The following WDR27 variants were observed in gnomAD, a reference collection of about 807,000 sequenced individuals.
WDR27 encodes WD repeat-containing protein 27.
WDR27 carries 100 observed loss-of-function variants against 114.4 expected under a neutral mutation model. The ratio of observed to expected loss-of-function variants is 0.87; its 90% CI spans 0.74 to 1.03. The LOEUF (loss-of-function observed/expected upper bound fraction) is 1.03, where lower values mean the gene tolerates loss of function less well. WDR27 is among the 50% of genes least tolerant of loss of function. WDR27 has a pLI of 0.00. For synonymous variants in WDR27, 449 were observed against 423.1 expected, an observed-to-expected ratio of 1.06 and a Z score of -0.75; for missense variants, 1,129 against 1,092.9, an observed-to-expected ratio of 1.03 and a Z score of -0.47.
chr6:169,489,764 G>A (rs1319071531), intron 25 of WDR27, among the ~76,000 whole-genome samples: 1 of 152,164 alleles, frequency 6.6e-6, no homozygotes, highest in African/African-American at 2.4e-5. Context: ...GCAATGTGTG[G>A]CCAAGGCTCA....
At position 169,664,206 on chromosome 6, in the gene WDR27, G is replaced by A. The variant is rs1287987933; in HGVS notation, c.864C>T (p.Phe288=). 1 of 1,611,726 alleles carries A rather than the reference G, an allele frequency of 6.2e-7. No individual in the cohort carries two copies. Among genetic ancestry groups the A allele is most frequent in the Admixed American group, 1.7e-5 (1 of 59,838 alleles). ...RVDLRKKTET[F]STRRVKSGLC... ...GCCCAGACTTAACCCTTCTTGTGGAGAAAGTCTCTGTCTTCTTCCTTAGGT... is the reference window on the plus strand; with the variant it reads ...GCCCAGACTTAACCCTTCTTGTGGAAAAAGTCTCTGTCTTCTTCCTTAGGT... Residue 288 remains phenylalanine (F), a synonymous_variant, in exon 8 of 26, where the codon TTC becomes TTT. Transcript: ENST00000448612.
chr6:169,595,886 A>G, intron 23 of WDR27, among the ~76,000 whole-genome samples: 1 of 151,542 alleles, frequency 6.6e-6, no homozygotes. Context: ...ATTTAGCTGG[A>G]TATTAAAATT....
chr6:169,656,946 GCTGAGCCTGGCCGCCTCCC>G (rs1318347221), intron 13 of WDR27, among the ~76,000 whole-genome samples: 2 of 152,206 alleles, frequency 1.3e-5, no homozygotes, highest in Non-Finnish European at 2.9e-5. Flanking sequence ...TGCAATGCTG[GCTGAGCCTGGCCGCCTCCC>G]CCCGGCCTTC....
At chr6:169,699,813 C>G (rs1787376978) in intron 1 of WDR27, among the ~76,000 whole-genome samples, 1 of 151,898 alleles carries the variant, frequency 6.6e-6, no homozygotes, top group Non-Finnish European at 1.5e-5. Flanking sequence ...GAGACCCTGT[C>G]TCTACTTTAA....
At chr6:169,526,811 A>G (rs1431391311) in intron 25 of WDR27, among the ~76,000 whole-genome samples, 1 of 152,240 alleles carries the variant, frequency 6.6e-6, no homozygotes, top group Non-Finnish European at 1.5e-5. Flanking sequence ...GCTCAAAAAT[A>G]AATGTCAAAT....
At chr6:169,674,836 A>C (rs184912642) in intron 2 of WDR27, among the ~76,000 whole-genome samples, 10 of 152,242 alleles carry the variant, frequency 6.6e-5, no homozygotes, top group African/African-American at 2.4e-4. Flanking sequence ...CCGAAAAGAG[A>C]GTTAGCAAAG....
rs759490750 is a variant in WDR27 at position 169,659,237 on chromosome 6, C to T, written c.1198-30G>A. On this transcript the variant is annotated intron_variant, in intron 11 of 25. Transcript: ENST00000448612. This position sits in a 1 kb window ranked among gnomAD's most constrained non-coding sequence, Gnocchi z 4.3. ...AGGGACGCGGTTTCAACATCGTTAG[C>T]GACACCACCCAGTAAAAGCAGACGA... The T allele has an allele frequency of 6.4e-6, 10 of 1,568,776 alleles. No individual in the cohort carries two copies. The South Asian group carries it at 8.3e-5, about 13-fold the overall frequency.
chr6:169,635,806 T>A (rs777688479), intron 19 of WDR27, among the ~76,000 whole-genome samples: 1 of 151,980 alleles, frequency 6.6e-6, no homozygotes, highest in Admixed American at 6.6e-5. Context: ...TAAAATGACA[T>A]GAATACACAG....
At chr6:169,457,145 C>T (rs1583543746), downstream of WDR27, 1 of 173,670 alleles carries the variant, frequency 5.8e-6, no homozygotes, top group South Asian at 1.3e-4. Flanking sequence ...GCCACGCTCA[C>T]CACACAGAAC....
chr6:169,634,599 C>A, intron 19 of WDR27, 74 bp from the exon 20 acceptor site: 1 of 932,578 alleles, frequency 1.1e-6, no homozygotes, highest in Non-Finnish European at 1.6e-6. Flanking sequence ...TCTTTAAAAA[C>A]ATTAAACATG....
At chr6:169,621,461 C>T (rs1238423304) in intron 21 of WDR27, among the ~76,000 whole-genome samples, 5 of 152,012 alleles carry the variant, frequency 3.3e-5, no homozygotes, top group Non-Finnish European at 7.4e-5. Flanking sequence ...TGCACACACA[C>T]ATATACATAT....
intron 16 of WDR27, 48 bp from the exon 17 acceptor site, chr6:169,643,834 T>A: frequency 6.7e-7 from 1 of 1,482,744 alleles, no homozygotes; most frequent in Non-Finnish European, 9.3e-7. Context: ...GCCTAATTCA[T>A]AGGAGTCACA....
In WDR27 at chr6:169,680,455, G is replaced by A. The variant is rs146388627; in HGVS notation, c.190-8059C>T. On this transcript the variant is annotated intron_variant, in intron 2 of 25. Coordinates refer to ENST00000448612, the MANE Select transcript of WDR27 (RefSeq NM_182552.5). ...AAATTAGCGGGGCTTGGTGATGGCC[G>A]CCTGTAGTCCCAGCTACTCGGGAGG... Among the ~76,000 whole-genome samples the A allele has an allele frequency of 2.0e-3, 309 of 152,220 alleles. 5 individuals are homozygous for A. In the East Asian group the frequency reaches 0.039, roughly 19 times the overall value.
At chr6:169,512,744 GA>G (rs1215930740) in intron 25 of WDR27, among the ~76,000 whole-genome samples, 1 of 152,158 alleles carries the variant, frequency 6.6e-6, no homozygotes, top group East Asian at 1.9e-4. Context: ...GTAATGGCTT[GA>G]ATCACCTTTG....
At chr6:169,500,042 C>T (rs1286486030) in intron 25 of WDR27, among the ~76,000 whole-genome samples, 1 of 152,224 alleles carries the variant, frequency 6.6e-6, no homozygotes, top group African/African-American at 2.4e-5. Context: ...GGCTCCCACA[C>T]TGGCTCCCTG....
chr6:169,478,167 C>T (rs772462922), intron 25 of WDR27, among the ~76,000 whole-genome samples: 17 of 151,762 alleles, frequency 1.1e-4, no homozygotes, highest in African/African-American at 2.2e-4. Flanking sequence ...TGGGTGGGGG[C>T]GTTCTTCATC....
chr6:169,620,691 C>A (rs1352073938), intron 21 of WDR27, among the ~76,000 whole-genome samples: 1 of 152,194 alleles, frequency 6.6e-6, no homozygotes, highest in African/African-American at 2.4e-5. Flanking sequence ...CGACCACCAT[C>A]GTCAGGAACT....
At chr6:169,610,559 A>G (rs1426917362) in intron 22 of WDR27, among the ~76,000 whole-genome samples, 1 of 152,182 alleles carries the variant, frequency 6.6e-6, no homozygotes, top group African/African-American at 2.4e-5. Flanking sequence ...CCATTATTTA[A>G]TCATCTCCCA....
chr6:169,654,890 T>C (rs901605502), intron 13 of WDR27, among the ~76,000 whole-genome samples: 2 of 152,138 alleles, frequency 1.3e-5, no homozygotes, highest in Non-Finnish European at 2.9e-5. Flanking sequence ...GAGGAGTTTG[T>C]GTTCTTTTGC....
Sources: gnomAD v4.1 joint callset for allele counts (sites outside exome capture counted in the v4.1 genomes callset) on GRCh38, gnomAD v4.1.1 for gene constraint, Gnocchi (gnomAD v3.1) non-coding constraint, MANE v1.5 for transcripts, NCBI Gene and HGNC (gene_info 2026-07-23, HGNC 2026-07-21) for gene names.